Variants in SPPL2A observed in about 807,000 individuals in gnomAD.
The protein encoded by SPPL2A is signal peptide peptidase-like 2A.
A neutral mutation model predicts 63.8 loss-of-function variants in SPPL2A; 51 were observed. The observed-to-expected ratio is 0.80, with a 90% CI of 0.64 to 1.01. SPPL2A has a LOEUF of 1.01. SPPL2A is among the 50% of genes least tolerant of loss of function. SPPL2A has a pLI of 0.00. For synonymous variants in SPPL2A, 188 were observed against 205.8 expected (o/e 0.91, Z 0.74); for missense variants, 553 against 622.7 (o/e 0.89, Z 1.19).
At position 50,736,658 on chromosome 15, in the gene SPPL2A, T is replaced by C. The variant is rs778917049; in HGVS notation, c.816A>G (p.Pro272=). Residue 272 remains proline (P), a synonymous_variant, in exon 7 of 15, where the codon CCA becomes CCG. Coordinates refer to ENST00000261854, the MANE Select transcript of SPPL2A (RefSeq NM_032802.4). The part of the protein sequence containing the change: ...NCLAALIHKI[P]YGQCTIACRG... Reference sequence around the variant, plus strand: ...GAGATACGTACGTGCATTGTCCATATGGTATCTTATGAATTAGTGCAGCAA... The same window carrying C: ...GAGATACGTACGTGCATTGTCCATACGGTATCTTATGAATTAGTGCAGCAA... 8.2e-6 allele frequency: 13 copies of C among 1,578,696 alleles called. No homozygotes were observed. Among genetic ancestry groups the C allele is most frequent in the Non-Finnish European group, 1.1e-5 (13 of 1,148,964 alleles).
At chr15:50,758,152 TGTG>T (rs2062977522) in intron 1 of SPPL2A, among the ~76,000 whole-genome samples, 1 of 137,302 alleles carries the variant, frequency 7.3e-6, no homozygotes, top group Non-Finnish European at 1.6e-5. Flanking sequence ...AGCCAGGCAA[TGTG>T]GTGGACGCCT....
intron 14 of SPPL2A, among the ~76,000 whole-genome samples, chr15:50,718,049 G>T (rs1029070782): frequency 3.0e-5 from 4 of 134,418 alleles, no homozygotes; most frequent in African/African-American, 1.1e-4. Flanking sequence ...TCGGCTCACT[G>T]CAAGCTCCGC....
At chr15:50,713,274 T>TC (rs2062573882) in intron 14 of SPPL2A, among the ~76,000 whole-genome samples, 1 of 151,756 alleles carries the variant, frequency 6.6e-6, no homozygotes, top group Non-Finnish European at 1.5e-5. Context: ...GAGTATTTTT[T>TC]TTTTTTTTTT....
chr15:50,712,032 G>A (rs1415036521), intron 14 of SPPL2A, among the ~76,000 whole-genome samples: 1 of 152,158 alleles, frequency 6.6e-6, no homozygotes, highest in East Asian at 1.9e-4. Context: ...ATACACACAT[G>A]CAAAAGTAAC....
intron 5 of SPPL2A, among the ~76,000 whole-genome samples, chr15:50,744,671 A>C (rs2062845084): frequency 6.6e-6 from 1 of 152,228 alleles, no homozygotes; most frequent in South Asian, 2.1e-4. Context: ...TTAAAGTTTT[A>C]GTTAATCTTC....
chr15:50,757,989 T>TTAA (rs397960369), intron 1 of SPPL2A, among the ~76,000 whole-genome samples: 2 of 61,330 alleles, frequency 3.3e-5, no homozygotes. Context: ...GTCTCAATTA[T>TTAA]AAAAAAAAAA....
chr15:50,727,593 C>T (rs1222087183), intron 10 of SPPL2A, among the ~76,000 whole-genome samples: 2 of 152,128 alleles, frequency 1.3e-5, no homozygotes, highest in Non-Finnish European at 2.9e-5. Context: ...TTCTAAGACA[C>T]AATACTGAGC....
At chr15:50,735,638 C>A (rs1044496331) in intron 8 of SPPL2A, among the ~76,000 whole-genome samples, 1 of 152,010 alleles carries the variant, frequency 6.6e-6, no homozygotes, top group Non-Finnish European at 1.5e-5. Context: ...TGGCTCACTG[C>A]AACCTCCGCT....
chr15:50,720,535 T>TC (rs895005654), intron 13 of SPPL2A, among the ~76,000 whole-genome samples: 12 of 151,174 alleles, frequency 7.9e-5, no homozygotes, highest in African/African-American at 2.9e-4. Flanking sequence ...TTTTTTTTTT[T>TC]CGAAATGGAG....
At chr15:50,753,059 CA>C (rs1190520236) in intron 1 of SPPL2A, among the ~76,000 whole-genome samples, 1 of 151,860 alleles carries the variant, frequency 6.6e-6, no homozygotes, top group African/African-American at 2.4e-5. Context: ...TATGTAATAG[CA>C]AAAAAACCCA....
chr15:50,758,372 G>A (rs938533820), intron 1 of SPPL2A, among the ~76,000 whole-genome samples: 2 of 150,298 alleles, frequency 1.3e-5, no homozygotes, highest in African/African-American at 4.9e-5. Flanking sequence ...TCACTCTGTC[G>A]CCCAGGCTAG....
chr15:50,721,879 T>C (rs1265079414), intron 13 of SPPL2A, among the ~76,000 whole-genome samples: 2 of 152,176 alleles, frequency 1.3e-5, no homozygotes, highest in Non-Finnish European at 2.9e-5. Context: ...GTGCTGGGCT[T>C]ACAGGTGTGA....
chr15:50,743,510 T>C (rs2062837557), intron 5 of SPPL2A, among the ~76,000 whole-genome samples: 1 of 151,988 alleles, frequency 6.6e-6, no homozygotes, highest in Admixed American at 6.6e-5. Flanking sequence ...CACACCCAAC[T>C]AATTTGTAAA....
intron 1 of SPPL2A, 66 bp downstream of exon 1, chr15:50,765,402 A>G (rs2141069469): frequency 7.7e-7 from 1 of 1,296,774 alleles, no homozygotes; most frequent in Non-Finnish European, 1.0e-6. Context: ...AGGGGAAGGG[A>G]GCCCCGGCCT....
intron 7 of SPPL2A, 96 bp from the exon 8 acceptor site, chr15:50,736,298 A>C: frequency 1.4e-6 from 1 of 725,934 alleles, no homozygotes; most frequent in East Asian, 2.6e-5. Context: ...ATAAGAAGTG[A>C]CTGAAATATC....
chr15:50,764,028 G>A (rs1213333283), intron 1 of SPPL2A, among the ~76,000 whole-genome samples: 1 of 152,204 alleles, frequency 6.6e-6, no homozygotes, highest in Non-Finnish European at 1.5e-5. Context: ...GTCTACTTAA[G>A]TAGAGTTTTC....
Position 50,724,451 on chromosome 15 carries a change from G to A in SPPL2A, c.1249+770C>T, listed in dbSNP as rs371341172. Among the ~76,000 whole-genome samples the A allele has an allele frequency of 5.7e-4, 86 of 152,162 alleles. 1 individual carries two copies. In the South Asian group the frequency reaches 0.017, roughly 30 times the overall value. On this transcript the variant is annotated intron_variant, in intron 12 of 14. Transcript: ENST00000261854. ...AAATTAGCCAGGTGCGGTGGCAGGC[G>A]CCTGTAGTCCCAGTTACTCAGGAGG... is the stretch of plus-strand genomic sequence containing the variant.
intron 5 of SPPL2A, among the ~76,000 whole-genome samples, chr15:50,745,326 CTT>C (rs1440152574): frequency 3.2e-4 from 49 of 151,916 alleles, no homozygotes; most frequent in Admixed American, 3.2e-3. Context: ...GATTTTCGTA[CTT>C]TTACTAGAGA....
chr15:50,740,427 C>CAAAAAAAAAAAAA (rs34361362), intron 5 of SPPL2A, among the ~76,000 whole-genome samples: 3 of 60,064 alleles, frequency 5.0e-5, no homozygotes, highest in Admixed American at 1.9e-4. Context: ...AACTCCGTCT[C>CAAAAAAAAAAAAA]AAAAAAAAAA....
Sources: gnomAD v4.1 joint callset for allele counts (sites outside exome capture counted in the v4.1 genomes callset) on GRCh38, gnomAD v4.1.1 for gene constraint, MANE v1.5 for transcripts, NCBI Gene and HGNC (gene_info 2026-07-23, HGNC 2026-07-21) for gene names.